Variants in PARD3B observed in about 807,000 individuals in gnomAD.
PARD3B encodes the protein par-3 family cell polarity regulator beta.
PARD3B carries 103 observed loss-of-function variants against 130.2 expected under a neutral mutation model. The observed-to-expected ratio is 0.79, with a 90% CI of 0.67 to 0.93. The LOEUF is 0.93. PARD3B is among the 40% of genes least tolerant of loss of function. The pLI is 0.00. For missense variants in PARD3B, 1,609 were observed against 1,499.2 expected (o/e 1.07, Z -1.21); for synonymous variants, 583 against 553.2 (o/e 1.05, Z -0.76).
At chr2:205,560,036 T>C (rs1013629643) in intron 22 of PARD3B, among the ~76,000 whole-genome samples, 1 of 152,148 alleles carries the variant, frequency 6.6e-6, no homozygotes, top group African/African-American at 2.4e-5. Context: ...CCCCATTTCA[T>C]AGGGAAGGTC....
At chr2:205,179,702 C>T (rs778562431) in intron 13 of PARD3B, among the ~76,000 whole-genome samples, 1 of 152,172 alleles carries the variant, frequency 6.6e-6, no homozygotes, top group African/African-American at 2.4e-5. Context: ...AAGCTTTTCT[C>T]AGAATATATC....
chr2:204,755,508 C>G (rs879046551), intron 2 of PARD3B, among the ~76,000 whole-genome samples: 1 of 152,004 alleles, frequency 6.6e-6, no homozygotes, highest in African/African-American at 2.4e-5. Flanking sequence ...TAATTATTGG[C>G]AAAACCTCTT....
chr2:205,001,275 C>T (rs930048218), intron 3 of PARD3B, among the ~76,000 whole-genome samples: 1 of 152,198 alleles, frequency 6.6e-6, no homozygotes, highest in African/African-American at 2.4e-5. Flanking sequence ...AGGCGTGAGC[C>T]ACTGCACCCA....
At chr2:204,998,189 G>A (rs115053079) in intron 3 of PARD3B, among the ~76,000 whole-genome samples, 11,324 of 148,698 alleles carry the variant, frequency 0.076, 543 homozygotes, top group Non-Finnish European at 0.1. Context: ...ATCTAGGAGA[G>A]GGATAGCATT....
intron 19 of PARD3B, among the ~76,000 whole-genome samples, chr2:205,436,645 A>G (rs1025020627): frequency 3.3e-5 from 5 of 152,096 alleles, no homozygotes; most frequent in African/African-American, 1.2e-4. Context: ...ATAGTGGTCT[A>G]AGGTTACCAG....
chr2:205,061,983 G>C (rs1700090063), intron 4 of PARD3B, among the ~76,000 whole-genome samples: 1 of 151,852 alleles, frequency 6.6e-6, no homozygotes, highest in Non-Finnish European at 1.5e-5. Context: ...AGTTTCAAAT[G>C]GTTCAAACCT....
chr2:205,539,709 G>A (rs1412612177), intron 21 of PARD3B, among the ~76,000 whole-genome samples: 1 of 152,098 alleles, frequency 6.6e-6, no homozygotes, highest in Non-Finnish European at 1.5e-5. Context: ...CTGAAGCTTT[G>A]ATCAGATCAC....
Position 205,417,037 on chromosome 2 carries a change from G to A in PARD3B, c.2741+15914G>A, listed in dbSNP as rs556869026. On this transcript the variant is annotated intron_variant, in intron 19 of 22. Transcript: ENST00000406610. ...GTTGGTGTGCTGCACCCGTTAACTC[G>A]TCATTTACATTAGGTGTATCTCCTA... is the stretch of plus-strand genomic sequence containing the variant. 2.6e-5 allele frequency among the ~76,000 whole-genome samples: 4 copies of A among 151,074 alleles called. No homozygotes were observed. In the South Asian group the frequency reaches 6.3e-4, roughly 24 times the overall value.
chr2:205,338,965 A>G (rs971113854), intron 18 of PARD3B, among the ~76,000 whole-genome samples: 3 of 152,178 alleles, frequency 2.0e-5, no homozygotes, highest in Non-Finnish European at 4.4e-5. Flanking sequence ...ATAAAATTTA[A>G]CTAATGGTCC....
intron 2 of PARD3B, among the ~76,000 whole-genome samples, chr2:204,804,640 A>G (rs1355003322): frequency 6.6e-6 from 1 of 152,240 alleles, no homozygotes; most frequent in Non-Finnish European, 1.5e-5. Flanking sequence ...AAATGTACTT[A>G]ATAGATATTT....
At chr2:205,246,683 T>C (rs2039587142) in intron 16 of PARD3B, among the ~76,000 whole-genome samples, 1 of 152,184 alleles carries the variant, frequency 6.6e-6, no homozygotes, top group Non-Finnish European at 1.5e-5. Context: ...CCCGTGTTTG[T>C]GTGCCAATTA....
At chr2:204,562,815 A>T (rs2125057921) in intron 1 of PARD3B, among the ~76,000 whole-genome samples, 1 of 148,804 alleles carries the variant, frequency 6.7e-6, no homozygotes, top group African/African-American at 2.5e-5. Flanking sequence ...CAGTTCAAAT[A>T]TTTCTAATAA....
At chr2:205,228,895 A>G (rs1412467854) in intron 15 of PARD3B, among the ~76,000 whole-genome samples, 1 of 152,144 alleles carries the variant, frequency 6.6e-6, no homozygotes. Context: ...AGAGAATCTC[A>G]TGCATTCTAC....
chr2:204,641,873 T>C (rs2125154013), intron 1 of PARD3B, among the ~76,000 whole-genome samples: 1 of 152,320 alleles, frequency 6.6e-6, no homozygotes, highest in Admixed American at 6.5e-5. Flanking sequence ...AATAAAATTC[T>C]CCTTTTAGAG....
chr2:205,254,088 T>TAAAAAA (rs11287171), intron 16 of PARD3B, among the ~76,000 whole-genome samples: 1 of 75,966 alleles, frequency 1.3e-5, no homozygotes, highest in African/African-American at 4.7e-5. Flanking sequence ...GTAGAGAAAT[T>TAAAAAA]AAAAAAAAAA....
At chr2:205,610,477 G>A (rs576080814) in intron 22 of PARD3B, among the ~76,000 whole-genome samples, 12 of 152,198 alleles carry the variant, frequency 7.9e-5, no homozygotes, top group African/African-American at 2.6e-4. Context: ...GAATAAATAC[G>A]CTTAGCCTGT....
At chr2:205,123,674 TAA>T (rs2031038076) in intron 8 of PARD3B, among the ~76,000 whole-genome samples, 1 of 8,238 alleles carries the variant, frequency 1.2e-4, no homozygotes, top group Non-Finnish European at 2.3e-4. Flanking sequence ...AAAAAAAAAA[TAA>T]GTGGTGGGAA....
At chr2:205,423,322 T>C (rs1403540155) in intron 19 of PARD3B, among the ~76,000 whole-genome samples, 1 of 152,208 alleles carries the variant, frequency 6.6e-6, no homozygotes, top group Non-Finnish European at 1.5e-5. Flanking sequence ...CCTATCACTA[T>C]CCTTTTGGAG....
At chr2:205,120,053 G>T (rs1295072130) in intron 7 of PARD3B, among the ~76,000 whole-genome samples, 1 of 152,114 alleles carries the variant, frequency 6.6e-6, no homozygotes. Flanking sequence ...TTGTATGCGT[G>T]TTTGTGGACA....
Sources: gnomAD v4.1 joint callset for allele counts (sites outside exome capture counted in the v4.1 genomes callset) on GRCh38, gnomAD v4.1.1 for gene constraint, MANE v1.5 for transcripts, NCBI Gene and HGNC (gene_info 2026-07-23, HGNC 2026-07-21) for gene names.